The following SORL1 variants were observed in gnomAD, a reference collection of about 807,000 sequenced individuals.
SORL1 encodes sortilin related receptor 1.
SORL1 carries 127 observed loss-of-function variants against 273.7 expected under a neutral mutation model. The observed-to-expected ratio is 0.46, with a 90% CI of 0.40 to 0.54. The LOEUF (loss-of-function observed/expected upper bound fraction) is 0.54, where lower values mean the gene tolerates loss of function less well. Ranked by LOEUF, SORL1 falls within the 20% of genes least tolerant of loss-of-function variation. SORL1 has a pLI of 0.00. For synonymous variants in SORL1, 1,031 were observed against 1,067.4 expected, an observed-to-expected ratio of 0.97 and a Z score of 0.66; for missense variants, 2,494 against 2,846.1, an observed-to-expected ratio of 0.88 and a Z score of 2.81.
At chr11:121,587,919 T>C (rs2134896043) in intron 27 of SORL1, 101 bp from the exon 28 acceptor site, 1 of 1,429,798 alleles carries the variant, frequency 7.0e-7, no homozygotes, top group Middle Eastern at 2.0e-4. Flanking sequence ...TTACTGTTGC[T>C]TCCTGAAGCC....
At chr11:121,614,831 C>T in intron 40 of SORL1, 40 bp from the exon 41 acceptor site, 1 of 1,571,736 alleles carries the variant, frequency 6.4e-7, no homozygotes, top group South Asian at 1.1e-5. Context: ...GACTAACACC[C>T]CCAACTTCCT....
chr11:121,619,892 C>T lies in SORL1; in HGVS notation c.5864C>T (p.Pro1955Leu), dbSNP rs778866380. The change falls in exon 43 of 48, where the codon CCG (proline) becomes CTG (leucine). Residue 1955 changes from proline to leucine, a missense_variant. Pro to Leu is a moderately conservative substitution (Grantham distance 98). Around this residue, in one of 3 missense-constraint regions of SORL1, gnomAD observed 1,609 missense variants for 1,816.4 expected, o/e 0.89. Coordinates refer to ENST00000260197, the MANE Select transcript of SORL1 (RefSeq NM_003105.6). ...KTSVVIKWES[P>L]YDSPDQDLLY... The stretch of plus-strand genomic sequence containing the variant: ...TCCGTGGTCATCAAGTGGGAATCAC[C>T]GTATGACTCTCCTGACCAGGACTTG... 1.9e-6 allele frequency: 3 copies of T among 1,613,716 alleles called. No homozygotes were observed. Among genetic ancestry groups the T allele is most frequent in the Non-Finnish European group, 1.7e-6 (2 of 1,179,920 alleles).
intron 37 of SORL1, among the ~76,000 whole-genome samples, chr11:121,607,614 C>T (rs1189753663): frequency 1.3e-5 from 2 of 152,192 alleles, no homozygotes; most frequent in Non-Finnish European, 2.9e-5. Flanking sequence ...TCTTTAGCTG[C>T]AGGATGATGC....
At chr11:121,602,847 G>T (rs1212563008) in intron 32 of SORL1, among the ~76,000 whole-genome samples, 1 of 152,176 alleles carries the variant, frequency 6.6e-6, no homozygotes, top group African/African-American at 2.4e-5. Flanking sequence ...TAGTTAGCTT[G>T]GCCTACGTGC....
At chr11:121,546,819 A>C (rs910240095) in intron 14 of SORL1, 37 of 152,250 alleles carry the variant, frequency 2.4e-4, no homozygotes, top group Admixed American at 2.1e-3. Flanking sequence ...TCTGTTCTCA[A>C]CCAGTGCTTC....
chr11:121,490,175 T>A (rs560573), intron 5 of SORL1, 65 bp downstream of exon 5: 445,331 of 1,133,190 alleles, frequency 0.39, 88,946 homozygotes, highest in East Asian at 0.53. Flanking sequence ...TAGCTCCTTC[T>A]TGGTGGACAA....
intron 1 of SORL1, 97 bp from the exon 2 acceptor site, chr11:121,469,910 A>T: frequency 1.1e-6 from 1 of 901,864 alleles, no homozygotes; most frequent in Admixed American, 1.8e-5. Flanking sequence ...CAGAATCTTC[A>T]TCATTTCTGC....
chr11:121,575,277 G>T (rs1862910991), intron 24 of SORL1, among the ~76,000 whole-genome samples: 2 of 152,206 alleles, frequency 1.3e-5, no homozygotes, highest in South Asian at 2.1e-4. Flanking sequence ...TCAGTTTCAT[G>T]AGACCCATCT....
rs1862763718 is a variant in SORL1, at chr11:121,567,000, G to A, written c.3110G>A (p.Ser1037Asn). ...SLLCLPKANNSRSCRCPEDVS... is the reference protein window; with the variant it reads ...SLLCLPKANNNRSCRCPEDVS... ...CTGTGCCTGCCCAAGGCCAACAACAGTAGAAGCTGCAGGTGTCCAGAGGAT... is the reference window on the plus strand; with the variant it reads ...CTGTGCCTGCCCAAGGCCAACAACAATAGAAGCTGCAGGTGTCCAGAGGAT... The change falls in exon 22 of 48, where the codon AGT becomes AAT. Residue 1037 changes from serine to asparagine, a missense_variant. By Grantham distance (46) the Ser-to-Asn change is conservative. Coordinates refer to ENST00000260197, the MANE Select transcript of SORL1 (RefSeq NM_003105.6). The A allele has an allele frequency of 6.2e-7, 1 of 1,614,176 alleles. No homozygotes were observed.
intron 23 of SORL1, among the ~76,000 whole-genome samples, chr11:121,570,636 T>C (rs985676808): frequency 1.3e-5 from 2 of 152,234 alleles, no homozygotes; most frequent in Non-Finnish European, 2.9e-5. Flanking sequence ...TGATATTCTT[T>C]GATTTGGAAA....
chr11:121,532,385 A>C, intron 11 of SORL1, 79 bp from the exon 12 acceptor site: 2 of 1,296,210 alleles, frequency 1.5e-6, no homozygotes, highest in Non-Finnish European at 2.2e-6. Context: ...ACGTGTGTGC[A>C]TGCCTGTGGG....
At position 121,619,910 on chromosome 11, in the gene SORL1, A is replaced by G. The variant is rs2134946273; in HGVS notation, c.5882A>G (p.Gln1961Arg). Reference protein sequence around the residue: ...KWESPYDSPDQDLLYAVAVKD... With the variant: ...KWESPYDSPDRDLLYAVAVKD... ...GAATCACCGTATGACTCTCCTGACC[A>G]GGACTTGGTGAGTGGGTTGGGCTTC... The change falls in exon 43 of 48, where the codon CAG becomes CGG. Residue 1961 changes from glutamine (Q) to arginine (R), a missense_variant. Transcript: ENST00000260197. The G allele has an allele frequency of 2.5e-6, 4 of 1,611,870 alleles. No homozygotes were observed. The highest frequency in any genetic ancestry group is 3.4e-6 in the Non-Finnish European group (4 of 1,178,688).
At chr11:121,491,652 A>G (rs544409060) in intron 5 of SORL1, among the ~76,000 whole-genome samples, 15 of 152,318 alleles carry the variant, frequency 9.8e-5, no homozygotes, top group African/African-American at 3.6e-4. Context: ...TCTATCAGGA[A>G]ATCCTATTGG....
At chr11:121,534,452 G>T (rs971128381) in intron 12 of SORL1, among the ~76,000 whole-genome samples, 1 of 152,220 alleles carries the variant, frequency 6.6e-6, no homozygotes, top group African/African-American at 2.4e-5. Context: ...TGACTTGGGG[G>T]TTGTAGACTT....
intron 26 of SORL1, among the ~76,000 whole-genome samples, chr11:121,584,953 C>T (rs1029799288): frequency 2.6e-5 from 4 of 152,146 alleles, no homozygotes; most frequent in African/African-American, 9.7e-5. Flanking sequence ...AAAGGGTGAC[C>T]TAGTACTAAA....
At position 121,630,668 on chromosome 11, in the gene SORL1, C is replaced by G. The variant is rs1301839529; in HGVS notation, c.*1105C>G. The G allele has an allele frequency of 1.3e-5, 2 of 152,148 alleles. No homozygotes were observed. The highest frequency in any genetic ancestry group is 2.9e-5 in the Non-Finnish European group (2 of 68,038). The allele number at this position is 152,148 out of a possible 1,614,324, so 9.4% of individuals were successfully genotyped here. Reference sequence around the variant, plus strand: ...CTTCCATCTCCCTCACCCATGCCCCCACCCAATCTAAAGAGACAGTGCTGT... The same window carrying G: ...CTTCCATCTCCCTCACCCATGCCCCGACCCAATCTAAAGAGACAGTGCTGT... On this transcript the variant is annotated 3_prime_UTR_variant, in exon 48 of 48. Transcript: ENST00000260197.
intron 14 of SORL1, 98 bp downstream of exon 14, chr11:121,545,527 G>T (rs1591320544): frequency 9.8e-7 from 1 of 1,022,146 alleles, no homozygotes. Flanking sequence ...CTGAGCAAAG[G>T]AAGGGAATAG....
intron 14 of SORL1, among the ~76,000 whole-genome samples, chr11:121,548,493 C>T (rs1370470041): frequency 6.6e-6 from 1 of 152,218 alleles, no homozygotes; most frequent in Non-Finnish European, 1.5e-5. Flanking sequence ...ATATAATGCA[C>T]ACAAATCACT....
chr11:121,573,023 A>G (rs1862869837), intron 23 of SORL1, among the ~76,000 whole-genome samples: 1 of 152,160 alleles, frequency 6.6e-6, no homozygotes, highest in Admixed American at 6.5e-5. Flanking sequence ...TCCTGAGAGC[A>G]GCCTGCCTTC....
Sources: gnomAD v4.1 joint callset for allele counts (sites outside exome capture counted in the v4.1 genomes callset) on GRCh38, gnomAD v4.1.1 for gene constraint, gnomAD v4.1.1 regional missense constraint, MANE v1.5 for transcripts, NCBI Gene and HGNC (gene_info 2026-07-23, HGNC 2026-07-21) for gene names.